Variants in DLC1 observed in about 807,000 individuals in gnomAD.
DLC1 encodes the protein rho GTPase-activating protein 7.
In DLC1, 54 loss-of-function variants were observed where a neutral mutation model predicts 140.3. The observed-to-expected ratio is 0.38, with a 90% confidence interval of 0.31 to 0.48. DLC1 has a LOEUF of 0.48. Among genes scored for constraint, DLC1 ranks in the 20% least tolerant of loss-of-function variants. The probability of loss-of-function intolerance (pLI) is 0.96; values close to 1 mark genes in which losing one functional copy is unlikely to be tolerated. For synonymous variants in DLC1, 986 were observed against 728.1 expected (o/e 1.35, Z -5.70); for missense variants, 2,536 against 1,907.0 (o/e 1.33, Z -6.14).
chr8:13,587,256 T>C (rs1334712055), intron 1 of DLC1, among the ~76,000 whole-genome samples: 2 of 151,560 alleles, frequency 1.3e-5, no homozygotes, highest in African/African-American at 2.4e-5. Context: ...TTCTGTCTTT[T>C]AAAGGGTGTG....
rs1008624919 is a variant in DLC1, at chr8:13,443,405, A to G, written c.1024-41786T>C. Among the ~76,000 whole-genome samples, 135 of 151,004 alleles carry G rather than the reference A, an allele frequency of 8.9e-4. 1 individual carries two copies. Among genetic ancestry groups the G allele is most frequent in the African/African-American group, 3.2e-3 (132 of 41,146 alleles). ...CCAGGCATGGTGGCTCACGCCTGTA[A>G]TCCCAGCACTTTGGGAGGCCAAGGC... On this transcript the variant is annotated intron_variant, in intron 2 of 17. Transcript: ENST00000276297.
intron 5 of DLC1, among the ~76,000 whole-genome samples, chr8:13,191,656 C>G (rs887778336): frequency 1.9e-4 from 29 of 152,280 alleles, no homozygotes; most frequent in African/African-American, 7.0e-4. Flanking sequence ...AATGTTAAAT[C>G]AATTTCTGTG....
intron 2 of DLC1, among the ~76,000 whole-genome samples, chr8:13,488,607 A>C (rs921505019): frequency 6.6e-5 from 10 of 152,170 alleles, no homozygotes; most frequent in African/African-American, 2.4e-4. Flanking sequence ...CAGCCCAGAC[A>C]CCAGCTGAGC....
chr8:13,088,863 T>C, intron 15 of DLC1, 159 bp from the exon 16 acceptor site: 1 of 587,776 alleles, frequency 1.7e-6, no homozygotes, highest in South Asian at 2.6e-5. Flanking sequence ...TAAAGAAATA[T>C]TGGGGGCTAA....
At chr8:13,530,632 C>T (rs1041738745) in intron 1 of DLC1, among the ~76,000 whole-genome samples, 1 of 152,122 alleles carries the variant, frequency 6.6e-6, no homozygotes, top group East Asian at 1.9e-4. Context: ...CCTAACAGAA[C>T]CTGGCAGGTT....
chr8:13,568,168 G>A, intron 1 of DLC1: 1 of 517,294 alleles, frequency 1.9e-6, no homozygotes, highest in Non-Finnish European at 3.4e-6. Context: ...TTTGGGCCAG[G>A]ATGTTGATGG....
chr8:13,277,714 T>C (rs920750274), intron 5 of DLC1, among the ~76,000 whole-genome samples: 13 of 152,172 alleles, frequency 8.5e-5, no homozygotes, highest in Non-Finnish European at 1.5e-4. Flanking sequence ...GTCTAGCAAA[T>C]CTTACCTTAT....
intron 1 of DLC1, among the ~76,000 whole-genome samples, chr8:13,596,296 C>T (rs890409592): frequency 1.3e-4 from 19 of 151,808 alleles, no homozygotes; most frequent in African/African-American, 4.4e-4. Context: ...AATAGGTTGG[C>T]GAGGTTGGAG....
chr8:13,309,840 C>G (rs3860049), intron 4 of DLC1, among the ~76,000 whole-genome samples: 13,100 of 152,138 alleles, frequency 0.086, 925 homozygotes, highest in East Asian at 0.37. Context: ...ATCTGAATGT[C>G]TTGTCAATTG....
chr8:13,542,903 GTCTATTACT>G (rs1803535273), intron 1 of DLC1, among the ~76,000 whole-genome samples: 1 of 151,926 alleles, frequency 6.6e-6, no homozygotes, highest in Non-Finnish European at 1.5e-5. Context: ...TAATTACGTA[GTCTATTACT>G]GAAGATAGTT....
intron 4 of DLC1, among the ~76,000 whole-genome samples, chr8:13,355,310 A>T (rs892021643): frequency 1.3e-5 from 2 of 152,024 alleles, no homozygotes; most frequent in Non-Finnish European, 2.9e-5. Flanking sequence ...ATATAACGAA[A>T]CCCCATTTCT....
chr8:13,377,386 C>G (rs1354354059), intron 4 of DLC1, among the ~76,000 whole-genome samples: 1 of 152,100 alleles, frequency 6.6e-6, no homozygotes, highest in Non-Finnish European at 1.5e-5. Flanking sequence ...AATTCTGTGA[C>G]AAGAAGAAAT....
At chr8:13,293,453 A>G (rs907376941) in intron 5 of DLC1, among the ~76,000 whole-genome samples, 1 of 152,188 alleles carries the variant, frequency 6.6e-6, no homozygotes, top group Non-Finnish European at 1.5e-5. Flanking sequence ...AGTTCATCAA[A>G]TATTGTGAAA....
intron 1 of DLC1, among the ~76,000 whole-genome samples, chr8:13,538,266 G>T (rs1345260704): frequency 1.3e-5 from 2 of 151,918 alleles, no homozygotes; most frequent in African/African-American, 2.4e-5. Flanking sequence ...ATTGAGTGTG[G>T]CTCAAGCACT....
chr8:13,428,204 T>G (rs1190525048), intron 2 of DLC1, among the ~76,000 whole-genome samples: 1 of 152,202 alleles, frequency 6.6e-6, no homozygotes, highest in East Asian at 1.9e-4. Context: ...GTACCTTCAC[T>G]GGGTCCACAG....
chr8:13,442,377 T>G (rs1284077977), intron 2 of DLC1, among the ~76,000 whole-genome samples: 1 of 152,078 alleles, frequency 6.6e-6, no homozygotes, highest in Non-Finnish European at 1.5e-5. Flanking sequence ...GCTAAGGAGC[T>G]TCTGCACAGC....
intron 2 of DLC1, among the ~76,000 whole-genome samples, chr8:13,481,843 C>A (rs1800750987): frequency 6.6e-6 from 1 of 152,148 alleles, no homozygotes; most frequent in African/African-American, 2.4e-5. Context: ...TCCAACTCAA[C>A]TGATGTCCTT....
chr8:13,309,342 T>C (rs943336048), intron 4 of DLC1, among the ~76,000 whole-genome samples: 1 of 152,200 alleles, frequency 6.6e-6, no homozygotes, highest in African/African-American at 2.4e-5. Context: ...TTCTCTAGGA[T>C]ATTTAAATAA....
At position 13,092,474 on chromosome 8, in the gene DLC1, G is replaced by GT. The variant is rs577392205; in HGVS notation, c.3740+137dup. On this transcript the variant is annotated intron_variant, in intron 13 of 17. Transcript: ENST00000276297. ...AGTCTCAGGTATGTCTTTATTAGCGGTGTGAGAATGGACTAATATAGCGGT... is the reference window on the plus strand; with the variant it reads ...AGTCTCAGGTATGTCTTTATTAGCGGTTGTGAGAATGGACTAATATAGCGGT... 3.1e-4 allele frequency: 274 copies of GT among 880,042 alleles called. 4 individuals carry two copies. In the East Asian group the frequency reaches 5.4e-3, roughly 17 times the overall value. The allele number at this position is 880,042 out of a possible 1,614,324, so 54.5% of individuals were successfully genotyped here. A position where few individuals can be genotyped will look rare whatever the true frequency, so the allele number is the denominator to read the frequency against.
Sources: gnomAD v4.1 joint callset for allele counts (sites outside exome capture counted in the v4.1 genomes callset) on GRCh38, gnomAD v4.1.1 for gene constraint, MANE v1.5 for transcripts, NCBI Gene and HGNC (gene_info 2026-07-23, HGNC 2026-07-21) for gene names.